Variants in EYS observed in about 807,000 individuals in gnomAD.
EYS encodes the protein protein eyes shut homolog.
Under a neutral mutation model 282.1 loss-of-function variants are expected in EYS, and 250 were observed. The observed-to-expected ratio is 0.89, with a 90% CI of 0.80 to 0.98. The LOEUF is 0.98. Ranked by LOEUF, EYS falls within the 50% of genes least tolerant of loss-of-function variation. The pLI, the probability that EYS is intolerant of heterozygous loss-of-function variation, is 0.00. For synonymous variants in EYS, 1,355 were observed against 1,282.9 expected, an observed-to-expected ratio of 1.06 and a Z score of -1.20; for missense variants, 4,016 against 3,709.0, an observed-to-expected ratio of 1.08 and a Z score of -2.15.
chr6:64,946,871 G>A (rs1331861853), intron 14 of EYS, among the ~76,000 whole-genome samples: 5 of 151,964 alleles, frequency 3.3e-5, no homozygotes, highest in Non-Finnish European at 4.4e-5. Context: ...TAAATGAAAC[G>A]TACGATTTCA....
chr6:63,856,517 A>G (rs1050629076), intron 36 of EYS, among the ~76,000 whole-genome samples: 1 of 152,182 alleles, frequency 6.6e-6, no homozygotes, highest in African/African-American at 2.4e-5. Flanking sequence ...TTTGATAGTG[A>G]ATAGTCTGTT....
chr6:65,242,101 G>A (rs1187640567), intron 12 of EYS, among the ~76,000 whole-genome samples: 1 of 151,956 alleles, frequency 6.6e-6, no homozygotes, highest in Non-Finnish European at 1.5e-5. Context: ...ATAGCTTTAT[G>A]TGTAAAATTT....
intron 1 of EYS, among the ~76,000 whole-genome samples, chr6:65,654,051 T>A (rs1582567121): frequency 1.3e-5 from 2 of 151,930 alleles, no homozygotes; most frequent in East Asian, 3.9e-4. Context: ...GTTATAGGAT[T>A]ATTAGAAGTA....
chr6:64,310,210 C>T (rs565672601), intron 29 of EYS, among the ~76,000 whole-genome samples: 8 of 152,180 alleles, frequency 5.3e-5, no homozygotes, highest in East Asian at 1.9e-4. Context: ...AAATACCACT[C>T]GACCCAGCAA....
At chr6:64,925,823 G>A (rs780858199) in intron 15 of EYS, among the ~76,000 whole-genome samples, 3 of 152,144 alleles carry the variant, frequency 2.0e-5, no homozygotes, top group Non-Finnish European at 4.4e-5. Context: ...CAGCATAGCT[G>A]GGAACTGGGC....
chr6:63,771,447 A>G (rs755873047), intron 40 of EYS, among the ~76,000 whole-genome samples: 25 of 152,166 alleles, frequency 1.6e-4, no homozygotes, highest in Non-Finnish European at 3.2e-4. Context: ...CCCTGCACCA[A>G]TCTAAACAAT....
At chr6:65,610,436 A>G (rs1316967246) in intron 2 of EYS, among the ~76,000 whole-genome samples, 1 of 152,082 alleles carries the variant, frequency 6.6e-6, no homozygotes, top group East Asian at 1.9e-4. Context: ...ATTTTGTTCC[A>G]TCATTTAGAT....
At chr6:65,641,975 G>C (rs1767290479) in intron 1 of EYS, among the ~76,000 whole-genome samples, 1 of 151,992 alleles carries the variant, frequency 6.6e-6, no homozygotes, top group Non-Finnish European at 1.5e-5. Flanking sequence ...CCAAAGCTTG[G>C]ACCAGTTCCT....
At chr6:64,092,523 T>A (rs1434502875) in intron 31 of EYS, among the ~76,000 whole-genome samples, 1 of 152,230 alleles carries the variant, frequency 6.6e-6, no homozygotes, top group Non-Finnish European at 1.5e-5. Context: ...CATTTTTTCA[T>A]GTGTCTTTTG....
chr6:65,697,029 C>G (rs1769480232), intron 1 of EYS, among the ~76,000 whole-genome samples: 1 of 151,970 alleles, frequency 6.6e-6, no homozygotes, highest in Admixed American at 6.6e-5. Context: ...AAAATTCAAA[C>G]TGCAGCCAGA....
chr6:64,407,830 CA>C (rs1773769908), intron 28 of EYS, among the ~76,000 whole-genome samples: 1 of 152,122 alleles, frequency 6.6e-6, no homozygotes, highest in Non-Finnish European at 1.5e-5. Context: ...CTCCTGGGTT[CA>C]AGTGATTCTC....
chr6:64,075,418 A>G (rs1451593315), intron 32 of EYS, among the ~76,000 whole-genome samples: 1 of 151,942 alleles, frequency 6.6e-6, no homozygotes, highest in Non-Finnish European at 1.5e-5. Context: ...TCTGAAATTT[A>G]TAGACAGCCT....
rs543346433 is a variant in EYS at position 64,527,770 on chromosome 6, C to A, written c.5644+62453G>T. On this transcript the variant is annotated intron_variant, in intron 26 of 42. Coordinates refer to ENST00000503581, the MANE Select transcript of EYS (RefSeq NM_001142800.2). Reference sequence around the variant, plus strand: ...ATAAAAAATAAAATTTAAAGGAAACCCAAAGTATATGTTTTTTGTTATACA... The same window carrying A: ...ATAAAAAATAAAATTTAAAGGAAACACAAAGTATATGTTTTTTGTTATACA... Among the ~76,000 whole-genome samples the A allele has an allele frequency of 2.0e-5, 3 of 151,082 alleles. No individual in the cohort carries two copies. The South Asian group carries it at 6.3e-4, about 32-fold the overall frequency.
At chr6:64,757,751 T>TGTGA (rs1387739403) in intron 22 of EYS, among the ~76,000 whole-genome samples, 5 of 85,744 alleles carry the variant, frequency 5.8e-5, no homozygotes, top group African/African-American at 2.1e-4. Context: ...TCTTTGTGTG[T>TGTGA]GTGTGTGTGT....
At chr6:64,208,767 T>C (rs548289049) in intron 31 of EYS, among the ~76,000 whole-genome samples, 67 of 152,262 alleles carry the variant, frequency 4.4e-4, no homozygotes, top group Non-Finnish European at 8.5e-4. Context: ...ATTATATTTG[T>C]GACCATAATT....
intron 1 of EYS, among the ~76,000 whole-genome samples, chr6:65,676,381 T>C (rs1351449995): frequency 6.6e-6 from 1 of 151,770 alleles, no homozygotes; most frequent in East Asian, 1.9e-4. Context: ...AATTGAGACA[T>C]TACAACTGAT....
intron 2 of EYS, among the ~76,000 whole-genome samples, chr6:65,621,518 C>T (rs557773316): frequency 1.5e-3 from 229 of 150,214 alleles, no homozygotes; most frequent in African/African-American, 5.4e-3. Flanking sequence ...ATTTGCCAGT[C>T]TGTGTCTTTT....
chr6:64,502,153 G>A (rs16895349), intron 26 of EYS, among the ~76,000 whole-genome samples: 7,807 of 152,166 alleles, frequency 0.051, 669 homozygotes, highest in African/African-American at 0.18. Context: ...TATAGTGAGG[G>A]TGGGTATACA....
At position 64,512,624 on chromosome 6, in the gene EYS, G is replaced by A. The variant is rs560545505; in HGVS notation, c.5645-73272C>T. The stretch of plus-strand genomic sequence containing the variant: ...GATTAATCTGTGTTATTTGAGGAAA[G>A]TGGGAAAAAAAGGCAAAGAAAGAAA... On this transcript the variant is annotated intron_variant, in intron 26 of 42. Coordinates refer to ENST00000503581, the MANE Select transcript of EYS (RefSeq NM_001142800.2). Among the ~76,000 whole-genome samples the A allele has an allele frequency of 2.6e-5, 4 of 150,974 alleles. No individual in the cohort carries two copies. The South Asian group carries it at 8.3e-4, about 31-fold the overall frequency.
Sources: gnomAD v4.1 joint callset for allele counts (sites outside exome capture counted in the v4.1 genomes callset) on GRCh38, gnomAD v4.1.1 for gene constraint, MANE v1.5 for transcripts, NCBI Gene and HGNC (gene_info 2026-07-23, HGNC 2026-07-21) for gene names.